The following TRRAP variants were observed in gnomAD, a reference collection of about 807,000 sequenced individuals.
The protein encoded by TRRAP is transformation/transcription domain associated protein, also known as transformation/transcription domain-associated protein.
TRRAP carries 41 observed loss-of-function variants against 438.8 expected under a neutral mutation model. That is an observed-to-expected ratio of 0.09 (90% confidence interval 0.07 to 0.12). The LOEUF (loss-of-function observed/expected upper bound fraction) is 0.12. Among genes scored for constraint, TRRAP ranks in the 10% least tolerant of loss-of-function variants. The pLI, the probability that TRRAP is intolerant of heterozygous loss-of-function variation, is 1.00. For missense variants in TRRAP, 3,122 were observed against 5,055.1 expected, an observed-to-expected ratio of 0.62 and a Z score of 11.60; for synonymous variants, 1,994 against 1,962.9, an observed-to-expected ratio of 1.02 and a Z score of -0.42.
intron 6 of TRRAP, 95 bp downstream of exon 6, chr7:98,893,976 C>A: frequency 1.8e-6 from 2 of 1,125,132 alleles, no homozygotes; most frequent in Admixed American, 2.1e-5. Flanking sequence ...TGAACACATA[C>A]TGTTTTCAAG....
At chr7:98,983,508 C>T in intron 60 of TRRAP, 49 bp downstream of exon 60, 1 of 1,602,620 alleles carries the variant, frequency 6.2e-7, no homozygotes, top group Non-Finnish European at 8.5e-7. Context: ...TTTCCAGACG[C>T]CCCACGGTTC....
In TRRAP at chr7:98,970,175, C is replaced by T; in HGVS notation, c.7576C>T (p.Pro2526Ser). ...CACCAGCTGCCAAGGAGCCATGCTC[C>T]CGTCCATCACCAACGTCATCAACCT... ...IGTSCQGAML[P>S]SITNVINLAD... The change falls in exon 52 of 73, where the codon CCG becomes TCG. Residue 2526 changes from proline (P) to serine (S), a missense_variant. This residue lies in a region of TRRAP where 992 missense variants were observed against 1,281.2 expected (regional missense o/e 0.77). Coordinates refer to ENST00000456197, the MANE Select transcript of TRRAP (RefSeq NM_001375524.1). 6.2e-7 allele frequency: 1 copy of T among 1,613,960 alleles called. No homozygotes were observed. The highest frequency in any genetic ancestry group is 8.5e-7 in the Non-Finnish European group (1 of 1,180,034).
chr7:98,983,312 G>A lies in TRRAP; in HGVS notation c.8875G>A (p.Gly2959Ser). The A allele has an allele frequency of 6.2e-7, 1 of 1,614,140 alleles. No individual in the cohort carries two copies. The highest frequency in any genetic ancestry group is 8.5e-7 in the Non-Finnish European group (1 of 1,180,012). Residue 2959 changes from glycine (G) to serine (S), a missense_variant, in exon 60 of 73, where the codon GGC becomes AGC. Gly to Ser is a moderately conservative substitution (Grantham distance 56). Coordinates refer to ENST00000456197, the MANE Select transcript of TRRAP (RefSeq NM_001375524.1). ...CCAGGAAGCTGCACAAATCAACGCAGGCTTACAGCCAACCAACCTGGGAAG... is the reference window on the plus strand; with the variant it reads ...CCAGGAAGCTGCACAAATCAACGCAAGCTTACAGCCAACCAACCTGGGAAG... ...ELQEAAQINA[G>S]LQPTNLGRNN...
At chr7:98,971,045 A>C (rs1246596534) in intron 52 of TRRAP, among the ~76,000 whole-genome samples, 1 of 152,178 alleles carries the variant, frequency 6.6e-6, no homozygotes, top group African/African-American at 2.4e-5. Flanking sequence ...CTTAGGAGAC[A>C]GTCACCCCGT....
chr7:98,894,892 T>C (rs1308634443), intron 6 of TRRAP, among the ~76,000 whole-genome samples: 2 of 144,020 alleles, frequency 1.4e-5, no homozygotes, highest in Non-Finnish European at 3.0e-5. Flanking sequence ...TGCCTCAGCC[T>C]CCCAAAGTGC....
At chr7:98,914,602 C>T (rs1554409299) in intron 18 of TRRAP, among the ~76,000 whole-genome samples, 1 of 150,750 alleles carries the variant, frequency 6.6e-6, no homozygotes, top group East Asian at 2.0e-4. Context: ...GTAATCTCAG[C>T]TACTCAGGAG....
intron 67 of TRRAP, among the ~76,000 whole-genome samples, chr7:99,002,125 G>C (rs896116493): frequency 4.7e-5 from 7 of 150,298 alleles, no homozygotes; most frequent in Non-Finnish European, 8.9e-5. Context: ...GGAGAGGCGG[G>C]GGGGTGGGGT....
At position 98,976,375 on chromosome 7, in the gene TRRAP, G is replaced by A. The variant is rs148198385; in HGVS notation, c.7959+107G>A. On this transcript the variant is annotated intron_variant, in intron 54 of 72. Coordinates refer to ENST00000456197, the MANE Select transcript of TRRAP (RefSeq NM_001375524.1). This position sits in a 1 kb window ranked among gnomAD's most constrained non-coding sequence, Gnocchi z 4.6. ...ACAAGTTTCAGAAAATGAGGGAACC[G>A]CTGGCTGTCACTCGAGCGAATTAGG... is the stretch of plus-strand genomic sequence containing the variant. 17 of 1,572,374 alleles carry A rather than the reference G, an allele frequency of 1.1e-5. No individual in the cohort carries two copies. In the South Asian group the frequency reaches 1.2e-4, roughly 11 times the overall value.
rs199649231 is a variant in TRRAP, at chr7:98,943,011, C to T, written c.4467C>T (p.Asp1489=). The T allele has an allele frequency of 9.3e-6, 15 of 1,614,092 alleles. No homozygotes were observed. The highest frequency in any genetic ancestry group is 6.7e-5 in the East Asian group (3 of 44,884). ...VITHKGGQRS[D]GNESISECGR... ...CCCACAAAGGGGGCCAGAGGAGCGA[C>T]GGAAACGTGAGTGACTTGTTTGTTT... Residue 1489 remains aspartate (D), a synonymous_variant, in exon 31 of 73, where the codon GAC becomes GAT. Coordinates refer to ENST00000456197, the MANE Select transcript of TRRAP (RefSeq NM_001375524.1).
intron 1 of TRRAP, among the ~76,000 whole-genome samples, chr7:98,880,669 C>A (rs1795388259): frequency 6.6e-6 from 1 of 152,074 alleles, no homozygotes; most frequent in African/African-American, 2.4e-5. Context: ...ATATGAAATT[C>A]AGATTTCAGT....
chr7:98,900,534 C>A, intron 10 of TRRAP, 90 bp from the exon 11 acceptor site: 1 of 1,097,570 alleles, frequency 9.1e-7, no homozygotes, highest in Non-Finnish European at 1.3e-6. Flanking sequence ...GGAAATCAAT[C>A]TTTTGGGTTT....
At chr7:98,928,072 C>G (rs1790136317) in intron 23 of TRRAP, among the ~76,000 whole-genome samples, 1 of 152,088 alleles carries the variant, frequency 6.6e-6, no homozygotes, top group African/African-American at 2.4e-5. Context: ...AATCCCGTCT[C>G]TACTAAAAAT....
At position 98,910,344 on chromosome 7, in the gene TRRAP, C is replaced by CGAA; in HGVS notation, c.1641_1643dup (p.Arg547dup). On this transcript the variant is annotated inframe_insertion, in exon 15 of 73. Transcript: ENST00000456197. ...GCAGACATTCCAAGTCACAGACTGTCGAAGTTTGGTCAAAACCTTGGTGTG... is the reference window on the plus strand; with the variant it reads ...GCAGACATTCCAAGTCACAGACTGTCGAAGAAGTTTGGTCAAAACCTTGGTGTG... 6.2e-7 allele frequency: 1 copy of CGAA among 1,610,530 alleles called. No homozygotes were observed. The highest frequency in any genetic ancestry group is 8.5e-7 in the Non-Finnish European group (1 of 1,179,626).
At chr7:98,962,542 G>T in intron 47 of TRRAP, 115 bp downstream of exon 47, 2 of 1,563,246 alleles carry the variant, frequency 1.3e-6, no homozygotes, top group Non-Finnish European at 8.7e-7. Context: ...GCTTTGAGCC[G>T]CTGCGTTGTT....
chr7:99,005,459 G>C lies in TRRAP; in HGVS notation c.10753+111G>C. On this transcript the variant is annotated intron_variant, in intron 69 of 72. Coordinates refer to ENST00000456197, the MANE Select transcript of TRRAP (RefSeq NM_001375524.1). This position sits in a 1 kb window ranked among gnomAD's most constrained non-coding sequence, Gnocchi z 5.1. ...GCTCACGTTAGCCTTTGAGGGTCCAGCTGCGTCAGCAGAGAATGTTGTAGT... is the reference window on the plus strand; with the variant it reads ...GCTCACGTTAGCCTTTGAGGGTCCACCTGCGTCAGCAGAGAATGTTGTAGT... The C allele has an allele frequency of 1.0e-6, 1 of 1,004,822 alleles. No homozygotes were observed. The allele number at this position is 1,004,822 out of a possible 1,614,324, so 62.2% of individuals were successfully genotyped here.
In TRRAP at chr7:98,950,198, G is replaced by A; in HGVS notation, c.5270G>A (p.Arg1757His). ...IPKNYSIAQK[R>H]ALFFRFVDFN... ...AAAAATTACAGCATCGCTCAGAAAC[G>A]TGCCCTGTTCTTTCGCTTTGTAGAC... is the stretch of plus-strand genomic sequence containing the variant. The change falls in exon 38 of 73, where the codon CGT becomes CAT. Residue 1757 changes from arginine to histidine, a missense_variant. By Grantham distance (29) the Arg-to-His change is conservative. Transcript: ENST00000456197. 6.2e-7 allele frequency: 1 copy of A among 1,614,184 alleles called. No homozygotes were observed. The highest frequency in any genetic ancestry group is 8.5e-7 in the Non-Finnish European group (1 of 1,180,044).
Position 98,990,458 on chromosome 7 carries a change from C to T in TRRAP, c.9595C>T (p.Leu3199=), listed in dbSNP as rs779523193. ...SKSRKYLAKV[L]WLLSFDDDKN... ...AGAATTTCTCCTTCTGTCTCAGGTG[C>T]TGTGGCTTTTGAGTTTTGATGATGA... Residue 3199 remains leucine, a synonymous_variant, in exon 64 of 73, where the codon CTG becomes TTG. Coordinates refer to ENST00000456197, the MANE Select transcript of TRRAP (RefSeq NM_001375524.1). The T allele has an allele frequency of 9.9e-6, 16 of 1,612,446 alleles. 1 individual carries two copies. In the South Asian group the frequency reaches 1.6e-4, roughly 17 times the overall value.
rs1469732511 is a variant in TRRAP at position 98,908,378 on chromosome 7, AGATT to A, written c.1116-343_1116-340del. On this transcript the variant is annotated intron_variant, in intron 13 of 72. Transcript: ENST00000456197. The surrounding 1 kb of genome is among the most constrained non-coding windows in gnomAD (Gnocchi z 4.1). ...TCTGTAAAGTGGTCATCATATATAA[AGATT>A]GATTGACCCGTCCTATTTATTTTTG... Among the ~76,000 whole-genome samples the A allele has an allele frequency of 2.0e-5, 3 of 152,206 alleles. No homozygotes were observed. The highest frequency in any genetic ancestry group is 4.4e-5 in the Non-Finnish European group (3 of 68,046).
intron 30 of TRRAP, among the ~76,000 whole-genome samples, chr7:98,939,829 C>A (rs1372453225): frequency 1.3e-5 from 2 of 152,198 alleles, no homozygotes; most frequent in African/African-American, 4.8e-5. Flanking sequence ...AGTCGTCTGT[C>A]ATTTTTTGCT....
Sources: allele counts gnomAD v4.1 joint callset (sites outside exome capture counted in the v4.1 genomes callset), GRCh38; gene constraint gnomAD v4.1.1; regional missense constraint gnomAD v4.1.1; non-coding constraint Gnocchi (gnomAD v3.1); transcripts MANE v1.5; gene names NCBI Gene and HGNC (gene_info 2026-07-23, HGNC 2026-07-21).